GLI3: variants seen among roughly 807,000 people sequenced by gnomAD.
GLI3 encodes the protein transcription activator GLI3.
GLI3 carries 20 observed loss-of-function variants against 100.8 expected under a neutral mutation model. The observed-to-expected ratio is 0.20, with a 90% CI of 0.14 to 0.29. GLI3 has a LOEUF of 0.29. Ranked by LOEUF, GLI3 falls within the 10% of genes least tolerant of loss-of-function variation. The pLI, the probability that GLI3 is intolerant of heterozygous loss-of-function variation, is 1.00. For synonymous variants in GLI3, 938 were observed against 860.5 expected, an observed-to-expected ratio of 1.09 and a Z score of -1.58; for missense variants, 2,040 against 2,128.5, an observed-to-expected ratio of 0.96 and a Z score of 0.82.
At chr7:41,974,826 G>C (rs1273406933) in intron 12 of GLI3, among the ~76,000 whole-genome samples, 1 of 152,202 alleles carries the variant, frequency 6.6e-6, no homozygotes, top group Non-Finnish European at 1.5e-5. Context: ...TACTTGGGAT[G>C]CCAAAAAGAA....
Position 42,091,660 on chromosome 7 carries a change from C to T in GLI3, c.368-14803G>A, listed in dbSNP as rs1030934619. ...ATTACTAACTGCAAGAATCCAGCCG[C>T]TCTCTTCTCCCCTCGTGGCTGCTAC... On this transcript the variant is annotated intron_variant, in intron 3 of 14. Coordinates refer to ENST00000395925, the MANE Select transcript of GLI3 (RefSeq NM_000168.6). 5.9e-5 allele frequency among the ~76,000 whole-genome samples: 9 copies of T among 152,376 alleles called. No individual in the cohort carries two copies. The East Asian group carries it at 1.7e-3, about 29-fold the overall frequency.
chr7:42,203,646 T>C (rs1329800649), intron 2 of GLI3, among the ~76,000 whole-genome samples: 1 of 152,208 alleles, frequency 6.6e-6, no homozygotes, highest in Non-Finnish European at 1.5e-5. Flanking sequence ...GTTGATTCTG[T>C]ATCTTGCCCA....
intron 1 of GLI3, among the ~76,000 whole-genome samples, chr7:42,257,395 G>T (rs1011747312): frequency 7.2e-6 from 1 of 138,220 alleles, no homozygotes; most frequent in East Asian, 2.1e-4. Context: ...TCGCTCTGTC[G>T]CCCAGGCTGG....
chr7:42,151,122 C>T (rs1786849544), intron 2 of GLI3: 1 of 152,116 alleles, frequency 6.6e-6, no homozygotes, highest in Non-Finnish European at 1.5e-5. Context: ...TACGTGAAAA[C>T]TTCCATCAGG....
At chr7:42,137,610 A>G (rs1184388759) in intron 3 of GLI3, among the ~76,000 whole-genome samples, 1 of 152,054 alleles carries the variant, frequency 6.6e-6, no homozygotes, top group African/African-American at 2.4e-5. Flanking sequence ...ATTCCTACCC[A>G]AGTCTCTCTC....
chr7:42,095,347 G>C (rs1435410793), intron 3 of GLI3, among the ~76,000 whole-genome samples: 3 of 152,216 alleles, frequency 2.0e-5, no homozygotes, highest in Non-Finnish European at 4.4e-5. Flanking sequence ...CCTGTTCAGG[G>C]CTCCTACACC....
At chr7:41,971,754 C>A (rs1264792013) in intron 13 of GLI3, among the ~76,000 whole-genome samples, 1 of 152,156 alleles carries the variant, frequency 6.6e-6, no homozygotes, top group Non-Finnish European at 1.5e-5. Flanking sequence ...TGTTCCCCTC[C>A]CACCCCTGTG....
intron 2 of GLI3, among the ~76,000 whole-genome samples, chr7:42,222,622 C>T (rs1458726853): frequency 2.0e-5 from 3 of 152,160 alleles, no homozygotes; most frequent in South Asian, 2.1e-4. Flanking sequence ...TATAAGCTAA[C>T]AACAAAACCT....
At chr7:41,984,678 C>T (rs1316641201) in intron 10 of GLI3, among the ~76,000 whole-genome samples, 2 of 152,166 alleles carry the variant, frequency 1.3e-5, no homozygotes, top group East Asian at 3.8e-4. Context: ...TTAAGCATTG[C>T]TAAAAACAGT....
At chr7:42,234,449 T>C (rs918002857) in intron 1 of GLI3, among the ~76,000 whole-genome samples, 6 of 152,208 alleles carry the variant, frequency 3.9e-5, no homozygotes, top group Non-Finnish European at 8.8e-5. Flanking sequence ...GGCTTGCACA[T>C]CGAATTGATA....
At chr7:42,199,873 T>C (rs1788002962) in intron 2 of GLI3, among the ~76,000 whole-genome samples, 2 of 152,136 alleles carry the variant, frequency 1.3e-5, no homozygotes, top group African/African-American at 2.4e-5. Context: ...CTGGCCTACA[T>C]GGTGAAACCC....
At chr7:42,070,871 G>A (rs544130775) in intron 4 of GLI3, among the ~76,000 whole-genome samples, 4 of 152,258 alleles carry the variant, frequency 2.6e-5, no homozygotes, top group African/African-American at 7.2e-5. Context: ...CATATAAGGG[G>A]ACCAGTAACT....
chr7:42,182,190 C>T (rs1214349807), intron 2 of GLI3, among the ~76,000 whole-genome samples: 1 of 152,108 alleles, frequency 6.6e-6, no homozygotes, highest in African/African-American at 2.4e-5. Context: ...CCAGTAGACC[C>T]GTGGCCGGTG....
rs114388681 is a variant in GLI3, at chr7:42,066,395, A to G, written c.473+10357T>C. On this transcript the variant is annotated intron_variant, in intron 4 of 14. Coordinates refer to ENST00000395925, the MANE Select transcript of GLI3 (RefSeq NM_000168.6). ...CTCAACTCCCTCCTCCAACAAACAC[A>G]GAAACCACCACCAATAATAACCTAA... Among the ~76,000 whole-genome samples, 725 of 152,276 alleles carry G rather than the reference A, an allele frequency of 4.8e-3. 6 individuals are homozygous for G. Among genetic ancestry groups the G allele is most frequent in the African/African-American group, 0.016 (680 of 41,578 alleles).
rs373110517 is a variant in GLI3, at chr7:42,023,443, C to G, written c.1497+25G>C. ...GAAAGTGTCACAGAGCTGTAAAGCT[C>G]GGTTCCTGAATACCATCCACTTACG... On this transcript the variant is annotated intron_variant, in intron 10 of 14. Transcript: ENST00000395925. 5.0e-6 allele frequency: 8 copies of G among 1,613,464 alleles called. No individual in the cohort carries two copies. The African/African-American group carries it at 9.3e-5, about 19-fold the overall frequency.
chr7:41,968,043 A>T, intron 13 of GLI3, 120 bp from the exon 14 acceptor site: 1 of 876,694 alleles, frequency 1.1e-6, no homozygotes, highest in East Asian at 2.4e-5. Flanking sequence ...GAATGAGAAG[A>T]AAAACTATGT....
chr7:42,175,303 T>C (rs1470757043), intron 2 of GLI3, among the ~76,000 whole-genome samples: 2 of 152,198 alleles, frequency 1.3e-5, no homozygotes, highest in African/African-American at 2.4e-5. Context: ...CTTCACCCTT[T>C]TGGGGCTCAG....
chr7:42,040,229 G>A lies in GLI3; in HGVS notation c.837C>T (p.Phe279=). The change falls in exon 7 of 15, where the codon TTC becomes TTT. Residue 279 remains phenylalanine, a synonymous_variant. Transcript: ENST00000395925. The part of the protein sequence containing the change: ...EYLHAMDSTR[F]SSPRLSARPS... ...GCCTGGCTGACAGCCTGGGGCTGGA[G>A]AATCTGGTGCCTGTTATATAAACAA... The A allele has an allele frequency of 6.2e-7, 1 of 1,612,542 alleles. No homozygotes were observed. The highest frequency in any genetic ancestry group is 8.5e-7 in the Non-Finnish European group (1 of 1,178,588).
At chr7:42,228,692 T>C (rs1447552809) in intron 1 of GLI3, among the ~76,000 whole-genome samples, 1 of 152,192 alleles carries the variant, frequency 6.6e-6, no homozygotes, top group African/African-American at 2.4e-5. Flanking sequence ...GGGGATCCCT[T>C]GAAAAGCCTT....
Sources: gnomAD v4.1 joint callset for allele counts (sites outside exome capture counted in the v4.1 genomes callset) on GRCh38, gnomAD v4.1.1 for gene constraint, MANE v1.5 for transcripts, NCBI Gene and HGNC (gene_info 2026-07-23, HGNC 2026-07-21) for gene names.